The following PTPN3 variants were observed in gnomAD, a reference collection of about 807,000 sequenced individuals.
PTPN3 encodes tyrosine-protein phosphatase non-receptor type 3.
In PTPN3, 96 loss-of-function variants were observed where a neutral mutation model predicts 132.7. That is an observed-to-expected ratio of 0.72 (90% CI 0.61 to 0.86). The LOEUF (loss-of-function observed/expected upper bound fraction) is 0.86. PTPN3 is among the 40% of genes least tolerant of loss of function. The pLI, the probability that PTPN3 is intolerant of heterozygous loss-of-function variation, is 0.00. For synonymous variants in PTPN3, 398 were observed against 429.0 expected, an observed-to-expected ratio of 0.93 and a Z score of 0.89; for missense variants, 1,125 against 1,159.6, an observed-to-expected ratio of 0.97 and a Z score of 0.43.
At chr9:109,454,362 T>C in intron 5 of PTPN3, 134 bp downstream of exon 5, 1 of 778,256 alleles carries the variant, frequency 1.3e-6, no homozygotes, top group Non-Finnish European at 2.2e-6. Context: ...CCCAGATTTT[T>C]ACTTGGATCA....
chr9:109,439,641 G>C (rs1844311164), intron 7 of PTPN3, among the ~76,000 whole-genome samples: 1 of 152,246 alleles, frequency 6.6e-6, no homozygotes. Flanking sequence ...GGGCATGGTA[G>C]CTCACGCCTG....
At chr9:109,425,265 A>G (rs1180690580) in intron 12 of PTPN3, among the ~76,000 whole-genome samples, 1 of 152,196 alleles carries the variant, frequency 6.6e-6, no homozygotes, top group Non-Finnish European at 1.5e-5. Context: ...CAAGTTCCCT[A>G]ATGATTATCA....
chr9:109,417,721 C>G, intron 14 of PTPN3: 3 of 985,346 alleles, frequency 3.0e-6, no homozygotes, highest in Non-Finnish European at 3.6e-6. Flanking sequence ...TCTGGCTGTT[C>G]ATCCCACTTG....
intron 14 of PTPN3, among the ~76,000 whole-genome samples, chr9:109,420,222 G>A (rs1363479122): frequency 2.0e-5 from 3 of 152,298 alleles, no homozygotes; most frequent in East Asian, 1.9e-4. Context: ...AGAAGTACAA[G>A]CTCTAGACCC....
At chr9:109,429,512 A>G (rs1356773911) in intron 10 of PTPN3, among the ~76,000 whole-genome samples, 3 of 152,238 alleles carry the variant, frequency 2.0e-5, no homozygotes, top group Admixed American at 6.5e-5. Context: ...AATTAAAAAC[A>G]TAACTTTTAA....
intron 4 of PTPN3, among the ~76,000 whole-genome samples, chr9:109,454,828 C>T (rs532861471): frequency 2.0e-5 from 3 of 152,256 alleles, no homozygotes; most frequent in South Asian, 4.1e-4. Context: ...TATCTTAGGG[C>T]TGTGTTTAAA....
At chr9:109,536,279 T>G in the PTPN3 span, among the ~76,000 whole-genome samples, 1 of 152,208 alleles carries the variant, frequency 6.6e-6, no homozygotes, top group Non-Finnish European at 1.5e-5. Context: ...TTCATGGACA[T>G]TGGGTTGTTT....
Position 109,498,201 on chromosome 9 carries a change from G to C in PTPN3, c.-18+18C>G, listed in dbSNP as rs1847772898. 1 of 146,520 alleles carries C rather than the reference G, an allele frequency of 6.8e-6. No individual in the cohort carries two copies. The highest frequency in any genetic ancestry group is 1.5e-5 in the Non-Finnish European group (1 of 65,900). 9.1% of individuals were successfully genotyped at this position (146,520 alleles called of 1,614,324 possible). ...CCGCACCCTGCCCCCGGCCCGCTGG[G>C]GTCGCACGGGCCCGTACCTGCAGCA... On this transcript the variant is annotated intron_variant, in intron 1 of 25. Coordinates refer to ENST00000374541, the MANE Select transcript of PTPN3 (RefSeq NM_002829.4). The surrounding 1 kb of genome is among the most constrained non-coding windows in gnomAD (Gnocchi z 4.2).
intron 16 of PTPN3, 40 bp from the exon 17 acceptor site, chr9:109,408,417 A>C: frequency 8.2e-7 from 1 of 1,224,348 alleles, no homozygotes; most frequent in Admixed American, 2.4e-5. Flanking sequence ...AAAGTTTTTT[A>C]AGTTAAACAA....
chr9:109,471,594 G>T (rs924173805), intron 1 of PTPN3, among the ~76,000 whole-genome samples: 1 of 151,786 alleles, frequency 6.6e-6, no homozygotes. Context: ...TTGTTCCAAA[G>T]ATGTCCTTTA....
At chr9:109,476,415 C>G (rs983779003) in intron 1 of PTPN3, among the ~76,000 whole-genome samples, 1 of 151,040 alleles carries the variant, frequency 6.6e-6, no homozygotes, top group African/African-American at 2.4e-5. Context: ...TGTATAATTG[C>G]TACTAAAAAA....
At chr9:109,456,361 T>C (rs2132027464) in intron 4 of PTPN3, among the ~76,000 whole-genome samples, 1 of 152,302 alleles carries the variant, frequency 6.6e-6, no homozygotes, top group South Asian at 2.1e-4. Flanking sequence ...GACAAGAGCA[T>C]TCAGAACCCC....
At chr9:109,389,157 C>T in intron 22 of PTPN3, 76 bp downstream of exon 22, 1 of 1,548,648 alleles carries the variant, frequency 6.5e-7, no homozygotes, top group Middle Eastern at 1.7e-4. Context: ...GAAGACCCTT[C>T]TCAGCGCTGA....
chr9:109,536,667 C>T, the PTPN3 span, among the ~76,000 whole-genome samples: 9 of 152,030 alleles, frequency 5.9e-5, no homozygotes, highest in Non-Finnish European at 1.3e-4. Flanking sequence ...GTATGTAAGG[C>T]TTTGAATATG....
chr9:109,422,412 A>G (rs1254987317), intron 13 of PTPN3, among the ~76,000 whole-genome samples: 3 of 152,180 alleles, frequency 2.0e-5, no homozygotes, highest in Non-Finnish European at 4.4e-5. Flanking sequence ...TTATTATTGG[A>G]CGTCTCAGAG....
the PTPN3 span, among the ~76,000 whole-genome samples, chr9:109,505,852 C>A: frequency 6.6e-6 from 1 of 151,392 alleles, no homozygotes; most frequent in Admixed American, 6.6e-5. Context: ...CGGGTTCATG[C>A]CATTCTTCTG....
chr9:109,450,618 C>A, intron 5 of PTPN3: 4 of 985,184 alleles, frequency 4.1e-6, no homozygotes, highest in Non-Finnish European at 4.8e-6. Context: ...TCCTAGGAAT[C>A]TTGAAGGAGC....
chr9:109,532,433 T>G, the PTPN3 span, among the ~76,000 whole-genome samples: 1 of 152,152 alleles, frequency 6.6e-6, no homozygotes, highest in African/African-American at 2.4e-5. Context: ...AAGACCTTAT[T>G]AACAGGTGCT....
intron 8 of PTPN3, among the ~76,000 whole-genome samples, chr9:109,437,900 T>A (rs1208976381): frequency 1.3e-5 from 2 of 152,224 alleles, no homozygotes; most frequent in Non-Finnish European, 2.9e-5. Context: ...GCAGCAGCTA[T>A]CACCCTAAAC....
Sources: gnomAD v4.1 joint callset for allele counts (sites outside exome capture counted in the v4.1 genomes callset) on GRCh38, gnomAD v4.1.1 for gene constraint, Gnocchi (gnomAD v3.1) non-coding constraint, MANE v1.5 for transcripts, NCBI Gene and HGNC (gene_info 2026-07-23, HGNC 2026-07-21) for gene names.